ZNF436: variants seen among roughly 807,000 people sequenced by gnomAD.
ZNF436 encodes the protein DNA-binding protein.
ZNF436 carries 22 observed loss-of-function variants against 41.9 expected under a neutral mutation model. The ratio of observed to expected loss-of-function variants is 0.53; its 90% confidence interval spans 0.38 to 0.75. The LOEUF (loss-of-function observed/expected upper bound fraction) is 0.75. Among genes scored for constraint, ZNF436 ranks in the 30% least tolerant of loss-of-function variants. The pLI is 0.00. For synonymous variants in ZNF436, 217 were observed against 197.8 expected (o/e 1.10, Z -0.82); for missense variants, 506 against 587.3 (o/e 0.86, Z 1.43).
chr1:23,363,257 C>A, intron 3 of ZNF436, 36 bp from the exon 4 acceptor site: 1 of 1,548,784 alleles, frequency 6.5e-7, no homozygotes. Context: ...CTAGTAAGTA[C>A]AAAAATTACC....
At chr1:23,365,834 C>G (rs1437034683) in intron 3 of ZNF436, among the ~76,000 whole-genome samples, 1 of 149,976 alleles carries the variant, frequency 6.7e-6, no homozygotes, top group Non-Finnish European at 1.5e-5. Flanking sequence ...GGGAGGATGA[C>G]CTGGGCCTGG....
rs766662797 is a variant in ZNF436 at position 23,362,489 on chromosome 1, C to T, written c.893G>A (p.Arg298Gln). The change falls in exon 4 of 4, where the codon CGA becomes CAA. Residue 298 changes from arginine to glutamine, a missense_variant. Coordinates refer to ENST00000314011, the MANE Select transcript of ZNF436 (RefSeq NM_001077195.2). Reference protein sequence around the residue: ...SERSDLIKHYRVHTGERPYKC... With the variant: ...SERSDLIKHYQVHTGERPYKC... The stretch of plus-strand genomic sequence containing the variant: ...GTAGGGCCTCTCCCCTGTGTGGACT[C>T]GATAGTGTTTGATGAGATCAGATCT... 5.0e-6 allele frequency: 8 copies of T among 1,613,920 alleles called. No homozygotes were observed. Among genetic ancestry groups the T allele is most frequent in the African/African-American group, 4.0e-5 (3 of 74,856 alleles).
In ZNF436 at chr1:23,360,321, C is replaced by T. The variant is rs1275169197; in HGVS notation, c.*1648G>A. On this transcript the variant is annotated 3_prime_UTR_variant, in exon 4 of 4. Transcript: ENST00000314011. ...CAAGTCCTAAAAAGCTATGGCAAAA[C>T]ATTTTTAAAATGTTACAACATTCAC... 2 of 152,186 alleles carry T rather than the reference C, an allele frequency of 1.3e-5. No individual in the cohort carries two copies. The highest frequency in any genetic ancestry group is 4.8e-5 in the African/African-American group (2 of 41,448). 9.4% of individuals were successfully genotyped at this position (152,186 alleles called of 1,614,324 possible). A position where few individuals can be genotyped will look rare whatever the true frequency, so the allele number is the denominator to read the frequency against.
Position 23,361,778 on chromosome 1 carries a change from C to T in ZNF436, c.*191G>A, listed in dbSNP as rs1638236112. 5.5e-6 allele frequency: 3 copies of T among 546,804 alleles called. No individual in the cohort carries two copies. Among genetic ancestry groups the T allele is most frequent in the Middle Eastern group, 4.9e-4 (1 of 2,044 alleles). 33.9% of individuals were successfully genotyped at this position (546,804 alleles called of 1,614,324 possible). A position where few individuals can be genotyped will look rare whatever the true frequency, so the allele number is the denominator to read the frequency against. On this transcript the variant is annotated 3_prime_UTR_variant, in exon 4 of 4. Coordinates refer to ENST00000314011, the MANE Select transcript of ZNF436 (RefSeq NM_001077195.2). ...TAACCCATTGAGTGAATAAAAATCA[C>T]CATTTTGGAGGAGATAACATTCCCA...
chr1:23,363,057 A>G lies in ZNF436; in HGVS notation c.325T>C (p.Leu109=), dbSNP rs1309422453. 4 of 1,614,012 alleles carry G rather than the reference A, an allele frequency of 2.5e-6. No homozygotes were observed. The highest frequency in any genetic ancestry group is 3.4e-6 in the Non-Finnish European group (4 of 1,179,988). Reference sequence around the variant, plus strand: ...TAGCTTACCCACTCTTCTGCTGTTAAATCTCCCCATTGTCTTTCTGACCTA... The same window carrying G: ...TAGCTTACCCACTCTTCTGCTGTTAGATCTCCCCATTGTCTTTCTGACCTA... ...GDRSERQWGD[L]TAEEWVSYPL... The change falls in exon 4 of 4, where the codon TTA becomes CTA. Residue 109 remains leucine, a synonymous_variant. Transcript: ENST00000314011.
At position 23,368,075 on chromosome 1, in the gene ZNF436, G is replaced by T; in HGVS notation, c.-60-10C>A. 1 of 1,575,674 alleles carries T rather than the reference G, an allele frequency of 6.3e-7. No individual in the cohort carries two copies. Among genetic ancestry groups the T allele is most frequent in the Non-Finnish European group, 8.7e-7 (1 of 1,148,040 alleles). ...CAGCTAGCAGACAGCGCTGAAGGAG[G>T]CGAAAAGCAGGGCGTGAGGCACGGA... On this transcript the variant is annotated splice_polypyrimidine_tract_variant and intron_variant, in intron 1 of 3. Coordinates refer to ENST00000314011, the MANE Select transcript of ZNF436 (RefSeq NM_001077195.2).
chr1:23,364,889 C>T (rs1570187660), intron 3 of ZNF436, among the ~76,000 whole-genome samples: 1 of 152,258 alleles, frequency 6.6e-6, no homozygotes, highest in South Asian at 2.1e-4. Context: ...GTAAATGGTA[C>T]ATACAATATC....
Position 23,367,944 on chromosome 1 carries a change from C to G in ZNF436, c.33+29G>C, listed in dbSNP as rs556083795. The G allele has an allele frequency of 2.7e-5, 44 of 1,613,556 alleles. No homozygotes were observed. The East Asian group carries it at 8.7e-4, about 32-fold the overall frequency. Reference sequence around the variant, plus strand: ...GCCGGACGAGGTGGGTAAGCAGAGACAAGGTCTGAGAAGCCACCTCCGGCT... The same window carrying G: ...GCCGGACGAGGTGGGTAAGCAGAGAGAAGGTCTGAGAAGCCACCTCCGGCT... On this transcript the variant is annotated intron_variant, in intron 2 of 3. Transcript: ENST00000314011.
At chr1:23,365,917 CA>C (rs10634507) in intron 3 of ZNF436, among the ~76,000 whole-genome samples, 58 of 98,000 alleles carry the variant, frequency 5.9e-4, no homozygotes, top group African/African-American at 1.6e-3. Context: ...GATCCTGTCT[CA>C]AAAAAAAAAA....
At chr1:23,364,317 A>C (rs929548970) in intron 3 of ZNF436, among the ~76,000 whole-genome samples, 1 of 152,146 alleles carries the variant, frequency 6.6e-6, no homozygotes, top group African/African-American at 2.4e-5. Context: ...CGCTCACTGT[A>C]ACCTCTGCCT....
rs1256511309 is a variant in ZNF436, at chr1:23,360,799, G to C, written c.*1170C>G. On this transcript the variant is annotated 3_prime_UTR_variant, in exon 4 of 4. Transcript: ENST00000314011. The stretch of plus-strand genomic sequence containing the variant: ...CAGGAGAGTGCACACTAAAGCACTA[G>C]TGTTTAAATTATTTTCCATAATGAA... 1 of 152,636 alleles carries C rather than the reference G, an allele frequency of 6.6e-6. No homozygotes were observed. Among genetic ancestry groups the C allele is most frequent in the East Asian group, 1.9e-4 (1 of 5,202 alleles). The allele number at this position is 152,636 out of a possible 1,614,324, so 9.5% of individuals were successfully genotyped here.
chr1:23,369,392 ATCG>A lies in ZNF436; in HGVS notation c.-90_-88del, dbSNP rs1164838593. On this transcript the variant is annotated 5_prime_UTR_variant, in exon 1 of 4. Coordinates refer to ENST00000314011, the MANE Select transcript of ZNF436 (RefSeq NM_001077195.2). ...TCCTGTCCCGCAAAAGATCCACTAGATCGTCGTCTCCAAAACCTGAGAGACCGC... is the reference window on the plus strand; with the variant it reads ...TCCTGTCCCGCAAAAGATCCACTAGATCGTCTCCAAAACCTGAGAGACCGC... The A allele has an allele frequency of 1.9e-6, 1 of 534,632 alleles. No homozygotes were observed. Among genetic ancestry groups the A allele is most frequent in the East Asian group, 5.5e-5 (1 of 18,340 alleles). 33.1% of individuals were successfully genotyped at this position (534,632 alleles called of 1,614,324 possible).
chr1:23,363,432 G>A (rs940302847), intron 3 of ZNF436, among the ~76,000 whole-genome samples: 20 of 152,126 alleles, frequency 1.3e-4, no homozygotes, highest in Admixed American at 2.0e-4. Flanking sequence ...GGGACTACAG[G>A]TGCACGCCAC....
rs1570182419 is a variant in ZNF436 at position 23,361,817 on chromosome 1, G to A, written c.*152C>T. On this transcript the variant is annotated 3_prime_UTR_variant, in exon 4 of 4. Transcript: ENST00000314011. ...ATAACATTCCCAAAGCTGAGGGTCA[G>A]AATTTCAAATGGCTTGTCATCTCTG... 1.3e-6 allele frequency: 1 copy of A among 783,732 alleles called. No homozygotes were observed. Among genetic ancestry groups the A allele is most frequent in the East Asian group, 2.8e-5 (1 of 35,918 alleles). 48.5% of individuals were successfully genotyped at this position (783,732 alleles called of 1,614,324 possible).
intron 2 of ZNF436, 103 bp downstream of exon 2, chr1:23,367,870 A>C (rs1459932723): frequency 7.4e-7 from 1 of 1,359,086 alleles, no homozygotes; most frequent in Non-Finnish European, 1.0e-6. Flanking sequence ...AAGCCAGCGA[A>C]TTACTAATCC....
chr1:23,368,838 G>A (rs571575651), intron 1 of ZNF436, among the ~76,000 whole-genome samples: 6 of 152,330 alleles, frequency 3.9e-5, no homozygotes, highest in African/African-American at 1.4e-4. Flanking sequence ...CCACTCCCCA[G>A]GGGAGACTCG....
Position 23,367,054 on chromosome 1 carries a change from C to T in ZNF436, c.148G>A (p.Val50Ile). 2 of 1,613,334 alleles carry T rather than the reference C, an allele frequency of 1.2e-6. No individual in the cohort carries two copies. The highest frequency in any genetic ancestry group is 1.1e-5 in the South Asian group (1 of 90,884). ...AATCCTTACTTACCTAGTGAGACAA[C>T]ATTTCCATAATTCTCCTGCATAACA... ...RDVMQENYGN[V>I]VSLDFEIRSE... The change falls in exon 3 of 4, where the codon GTT becomes ATT. Residue 50 changes from valine (V) to isoleucine (I), a missense_variant. Physicochemically the swap from Val to Ile is conservative, Grantham distance 29 (BLOSUM62 3). Coordinates refer to ENST00000314011, the MANE Select transcript of ZNF436 (RefSeq NM_001077195.2).
intron 1 of ZNF436, 130 bp from the exon 2 acceptor site, chr1:23,368,195 C>G: frequency 1.6e-6 from 1 of 618,242 alleles, no homozygotes; most frequent in African/African-American, 1.9e-5. Flanking sequence ...CCTCCCTGAC[C>G]CTCGAGCGCG....
intron 2 of ZNF436, 58 bp downstream of exon 2, chr1:23,367,915 A>C: frequency 6.3e-7 from 1 of 1,599,012 alleles, no homozygotes; most frequent in Non-Finnish European, 8.6e-7. Flanking sequence ...CAGAGCAGAG[A>C]AACGCCGGAC....
Sources: gnomAD v4.1 joint callset for allele counts (sites outside exome capture counted in the v4.1 genomes callset) on GRCh38, gnomAD v4.1.1 for gene constraint, MANE v1.5 for transcripts, NCBI Gene and HGNC (gene_info 2026-07-23, HGNC 2026-07-21) for gene names.